The following TG variants were observed in gnomAD, a reference collection of about 807,000 sequenced individuals.
The protein encoded by TG is thyroid hormones.
TG carries 270 observed loss-of-function variants against 324.7 expected under a neutral mutation model. That is an observed-to-expected ratio of 0.83 (90% CI 0.75 to 0.92). TG has a LOEUF of 0.92. TG is among the 40% of genes least tolerant of loss of function. TG has a pLI of 0.00. For missense variants in TG, 3,591 were observed against 3,456.4 expected (o/e 1.04, Z -0.98); for synonymous variants, 1,401 against 1,327.0 (o/e 1.06, Z -1.21).
intron 41 of TG, chr8:133,050,573 G>A (rs1840216908): frequency 2.3e-6 from 1 of 442,036 alleles, no homozygotes; most frequent in Non-Finnish European, 4.0e-6. Flanking sequence ...GGATCATAAA[G>A]GATCTCAAAA....
intron 45 of TG, among the ~76,000 whole-genome samples, chr8:133,118,320 C>CTTTTTTTTTTTTTTTTTT (rs34171048): frequency 1.1e-5 from 1 of 88,978 alleles, no homozygotes; most frequent in African/African-American, 4.1e-5. Context: ...CAGATTCTTC[C>CTTTTTTTTTTTTTTTTTT]TTTTTTTTTT....
At chr8:133,098,034 A>G (rs1000264) in intron 43 of TG, among the ~76,000 whole-genome samples, 69,866 of 151,906 alleles carry the variant, frequency 0.46, 16,312 homozygotes, top group Middle Eastern at 0.49. Context: ...CAGCCAGGGC[A>G]AAATACCTTT....
intron 41 of TG, chr8:133,047,974 C>T (rs1204913677): frequency 3.8e-6 from 5 of 1,302,078 alleles, no homozygotes; most frequent in Non-Finnish European, 4.4e-6. Flanking sequence ...CGGAACAAGC[C>T]CTCCCCCAGG....
intron 41 of TG, among the ~76,000 whole-genome samples, chr8:133,079,201 AG>A (rs926913519): frequency 6.6e-6 from 1 of 152,204 alleles, no homozygotes; most frequent in African/African-American, 2.4e-5. Context: ...CACTGTCAGG[AG>A]GTCAGGCTTT....
At chr8:133,034,308 TAC>T (rs974096009) in intron 41 of TG, among the ~76,000 whole-genome samples, 6 of 152,212 alleles carry the variant, frequency 3.9e-5, no homozygotes, top group African/African-American at 2.4e-5. Flanking sequence ...GGTCTTTTTG[TAC>T]AGTTTTGAAC....
chr8:133,133,670 C>T lies in TG; in HGVS notation c.8188+10C>T, dbSNP rs1312207606. ...CTGAAGACATCTGCAGGTAGCAAAG[C>T]CCTGGGACAAGTGGAGGGAGCTGGG... On this transcript the variant is annotated intron_variant, in intron 47 of 47. Coordinates refer to ENST00000220616, the MANE Select transcript of TG (RefSeq NM_003235.5). 2 of 1,612,128 alleles carry T rather than the reference C, an allele frequency of 1.2e-6. No individual in the cohort carries two copies. The highest frequency in any genetic ancestry group is 3.4e-5 in the Admixed American group (2 of 59,652).
chr8:132,991,737 C>G (rs1031718142), intron 35 of TG, among the ~76,000 whole-genome samples: 4 of 152,162 alleles, frequency 2.6e-5, no homozygotes, highest in Admixed American at 2.6e-4. Context: ...CACGCGGGAA[C>G]TCCACTCCCA....
At chr8:133,003,061 CT>C in intron 35 of TG, 1 of 1,065,852 alleles carries the variant, frequency 9.4e-7, no homozygotes, top group Non-Finnish European at 1.1e-6. Flanking sequence ...TCCTCTTTCC[CT>C]TTGTGTTTGT....
rs1014647249 is a variant in TG at position 133,029,829 on chromosome 8, G to A, written c.7045G>A (p.Glu2349Lys). ...TTTCCTCTTTTCTGAAGGGTCCGGA[G>A]AGGTGAGTGGCAACTGGGGGCTGCT... ...VFGFLSSGSG[E>K]VSGNWGLLDQ... The change falls in exon 41 of 48, where the codon GAG (glutamate) becomes AAG (lysine). Residue 2349 changes from glutamate (E) to lysine (K), a missense_variant. Coordinates refer to ENST00000220616, the MANE Select transcript of TG (RefSeq NM_003235.5). 1.2e-6 allele frequency: 2 copies of A among 1,614,022 alleles called. No individual in the cohort carries two copies. The highest frequency in any genetic ancestry group is 8.5e-7 in the Non-Finnish European group (1 of 1,179,974).
intron 41 of TG, among the ~76,000 whole-genome samples, chr8:133,031,304 C>G (rs1211053724): frequency 1.3e-5 from 2 of 152,134 alleles, no homozygotes; most frequent in Non-Finnish European, 2.9e-5. Context: ...AATTTCTTTC[C>G]TTTTTATGGC....
chr8:133,121,173 G>A (rs61641524), intron 45 of TG, among the ~76,000 whole-genome samples: 5,346 of 152,202 alleles, frequency 0.035, 303 homozygotes, highest in African/African-American at 0.12. Context: ...AAATCATACC[G>A]AAGGATAGAT....
intron 43 of TG, among the ~76,000 whole-genome samples, chr8:133,101,878 A>T (rs1276293823): frequency 6.6e-6 from 1 of 152,128 alleles, no homozygotes; most frequent in Non-Finnish European, 1.5e-5. Context: ...ACTGACCAGG[A>T]CCCCGCTCCC....
intron 41 of TG, among the ~76,000 whole-genome samples, chr8:133,041,936 T>C (rs1036977660): frequency 6.8e-4 from 104 of 152,058 alleles, no homozygotes; most frequent in African/African-American, 2.4e-3. Flanking sequence ...TACAGTTGCA[T>C]GCCACCACAC....
At chr8:132,924,530 C>G (rs1454375209) in intron 22 of TG, among the ~76,000 whole-genome samples, 2 of 152,206 alleles carry the variant, frequency 1.3e-5, no homozygotes, top group African/African-American at 2.4e-5. Context: ...ATAAAGTCAA[C>G]AAATACGTAT....
intron 28 of TG, among the ~76,000 whole-genome samples, chr8:132,962,658 C>G (rs1430741429): frequency 1.3e-5 from 2 of 152,116 alleles, no homozygotes; most frequent in Non-Finnish European, 1.5e-5. Flanking sequence ...CTCTTTAAGT[C>G]TCAGTTTTCT....
At chr8:133,061,451 T>TA (rs1214371145) in intron 41 of TG, among the ~76,000 whole-genome samples, 1 of 152,242 alleles carries the variant, frequency 6.6e-6, no homozygotes, top group African/African-American at 2.4e-5. Flanking sequence ...TTACTCTGTT[T>TA]ACTGATTGTC....
chr8:132,961,181 A>T, intron 28 of TG, 108 bp downstream of exon 28: 1 of 1,130,398 alleles, frequency 8.8e-7, no homozygotes, highest in Non-Finnish European at 1.3e-6. Flanking sequence ...GAATAGGTAG[A>T]GAGTCACTTT....
intron 21 of TG, among the ~76,000 whole-genome samples, chr8:132,922,733 G>T (rs1033924185): frequency 6.6e-6 from 1 of 152,186 alleles, no homozygotes; most frequent in Non-Finnish European, 1.5e-5. Flanking sequence ...CACAGATGGC[G>T]CCTTCTCACT....
intron 35 of TG, among the ~76,000 whole-genome samples, chr8:132,984,496 G>A (rs1275797053): frequency 6.6e-6 from 1 of 152,192 alleles, no homozygotes; most frequent in East Asian, 1.9e-4. Context: ...ATGTCAGATG[G>A]TGGAGTAGGG....
Sources: gnomAD v4.1 joint callset for allele counts (sites outside exome capture counted in the v4.1 genomes callset) on GRCh38, gnomAD v4.1.1 for gene constraint, MANE v1.5 for transcripts, NCBI Gene and HGNC (gene_info 2026-07-23, HGNC 2026-07-21) for gene names.